LRRC7: variants seen among roughly 807,000 people sequenced by gnomAD.
LRRC7 encodes the protein leucine-rich repeat-containing protein 7.
In LRRC7, 23 loss-of-function variants were observed where a neutral mutation model predicts 175.7. The ratio of observed to expected loss-of-function variants is 0.13; its 90% confidence interval spans 0.09 to 0.19. The LOEUF is 0.19. Among genes scored for constraint, LRRC7 ranks in the 10% least tolerant of loss-of-function variants. The pLI is 1.00. For missense variants in LRRC7, 1,354 were observed against 1,904.7 expected (o/e 0.71, Z 5.38); for synonymous variants, 685 against 680.9 (o/e 1.01, Z -0.09).
intron 4 of LRRC7, 113 bp downstream of exon 4, chr1:69,792,273 CT>C: frequency 1.5e-6 from 1 of 675,400 alleles, no homozygotes. Context: ...TTTGTTGCAA[CT>C]GTAGTTTAAT....
chr1:69,718,128 A>AAGAGAGAG (rs1347214418), intron 2 of LRRC7, among the ~76,000 whole-genome samples: 5,724 of 66,638 alleles, frequency 0.086, 228 homozygotes, highest in East Asian at 0.12. Context: ...AAAGAAAGAA[A>AAGAGAGAG]AGAAAGAAAG....
At chr1:69,960,371 CT>C (rs1169808516) in intron 8 of LRRC7, among the ~76,000 whole-genome samples, 1 of 151,948 alleles carries the variant, frequency 6.6e-6, no homozygotes, top group Non-Finnish European at 1.5e-5. Flanking sequence ...ATTCTTTGCT[CT>C]TTTCTTCTTT....
intron 26 of LRRC7, among the ~76,000 whole-genome samples, chr1:70,115,101 A>G (rs1030610187): frequency 6.6e-6 from 1 of 152,226 alleles, no homozygotes; most frequent in African/African-American, 2.4e-5. Context: ...TGAAATGGGA[A>G]TACATATGCC....
At chr1:69,852,333 G>A (rs959643416) in intron 7 of LRRC7, among the ~76,000 whole-genome samples, 4 of 152,110 alleles carry the variant, frequency 2.6e-5, no homozygotes, top group Non-Finnish European at 4.4e-5. Flanking sequence ...AGTATGGAAG[G>A]AAGTGCTTTA....
chr1:69,597,970 G>A (rs966070), intron 1 of LRRC7, among the ~76,000 whole-genome samples: 23,020 of 152,046 alleles, frequency 0.15, 1,918 homozygotes, highest in Admixed American at 0.19. Flanking sequence ...CAAAATAATC[G>A]CTAGAGAATA....
At chr1:70,095,785 G>C (rs1427487646) in intron 25 of LRRC7, among the ~76,000 whole-genome samples, 1 of 152,106 alleles carries the variant, frequency 6.6e-6, no homozygotes, top group African/African-American at 2.4e-5. Flanking sequence ...ATGCATATAT[G>C]TGTACTTTGG....
At chr1:70,047,128 AG>A (rs1660391297) in intron 22 of LRRC7, among the ~76,000 whole-genome samples, 1 of 152,162 alleles carries the variant, frequency 6.6e-6, no homozygotes, top group African/African-American at 2.4e-5. Flanking sequence ...ACTAAAATAT[AG>A]GGTAAGACCA....
chr1:69,613,514 T>TA (rs1390931120), intron 1 of LRRC7, among the ~76,000 whole-genome samples: 1 of 152,042 alleles, frequency 6.6e-6, no homozygotes, highest in African/African-American at 2.4e-5. Context: ...TCTCAAATGA[T>TA]ACCGCTGAAT....
intron 7 of LRRC7, among the ~76,000 whole-genome samples, chr1:69,885,012 G>A (rs998465763): frequency 1.4e-4 from 21 of 145,498 alleles, no homozygotes; most frequent in Admixed American, 7.7e-4. Flanking sequence ...GCTGGATTCG[G>A]TTTGCCAGTA....
At chr1:69,593,372 A>G (rs924248770) in intron 1 of LRRC7, among the ~76,000 whole-genome samples, 1 of 152,022 alleles carries the variant, frequency 6.6e-6, no homozygotes, top group African/African-American at 2.4e-5. Context: ...TATTTTTTTT[A>G]TTGTTTTTAT....
At chr1:69,945,137 G>A (rs1266590579) in intron 8 of LRRC7, among the ~76,000 whole-genome samples, 2 of 152,038 alleles carry the variant, frequency 1.3e-5, no homozygotes, top group African/African-American at 4.8e-5. Context: ...TACAGTTTCG[G>A]GACGTACATT....
rs374705442 is a variant in LRRC7, at chr1:70,038,844, C to T, written c.3020C>T (p.Ala1007Val). Residue 1007 changes from alanine to valine, a missense_variant, in exon 21 of 27, where the codon GCT becomes GTT. Coordinates refer to ENST00000651989, the MANE Select transcript of LRRC7 (RefSeq NM_001370785.2). ...TATAACATACCATTAGAAAACTATG[C>T]TTCTGGGAGTGATCACTTAGGAAGC... ...KVYNIPLENYASGSDHLGSHE... is the reference protein window; with the variant it reads ...KVYNIPLENYVSGSDHLGSHE... The T allele has an allele frequency of 6.2e-7, 1 of 1,613,846 alleles. No homozygotes were observed. Among genetic ancestry groups the T allele is most frequent in the Admixed American group, 1.7e-5 (1 of 59,984 alleles).
intron 2 of LRRC7, among the ~76,000 whole-genome samples, chr1:69,715,360 A>G (rs1210144551): frequency 6.6e-6 from 1 of 152,170 alleles, no homozygotes; most frequent in Non-Finnish European, 1.5e-5. Context: ...AAGGCTCTAT[A>G]TTGAGTATTC....
At chr1:69,915,157 A>C (rs1646648558) in intron 7 of LRRC7, among the ~76,000 whole-genome samples, 1 of 152,158 alleles carries the variant, frequency 6.6e-6, no homozygotes, top group Non-Finnish European at 1.5e-5. Flanking sequence ...ATAAGGCCAA[A>C]TGGCAAAACC....
At chr1:69,912,552 C>T (rs1646563446) in intron 7 of LRRC7, among the ~76,000 whole-genome samples, 1 of 152,148 alleles carries the variant, frequency 6.6e-6, no homozygotes, top group South Asian at 2.1e-4. Context: ...AGTAGCCCCC[C>T]ACCCTCAGAA....
intron 2 of LRRC7, among the ~76,000 whole-genome samples, chr1:69,706,530 T>C (rs1444848124): frequency 6.6e-6 from 1 of 152,220 alleles, no homozygotes; most frequent in Non-Finnish European, 1.5e-5. Flanking sequence ...GCAAGTCATT[T>C]TCACACATGG....
chr1:69,935,591 T>G (rs987948808), intron 8 of LRRC7, among the ~76,000 whole-genome samples: 1 of 152,200 alleles, frequency 6.6e-6, no homozygotes, highest in Non-Finnish European at 1.5e-5. Context: ...TGATGATTTT[T>G]TCATATGTTT....
At chr1:69,753,775 A>G (rs61783996) in intron 2 of LRRC7, among the ~76,000 whole-genome samples, 26,221 of 152,020 alleles carry the variant, frequency 0.17, 2,610 homozygotes, top group Non-Finnish European at 0.23. Context: ...AAAACTTTCA[A>G]TCTAGTAAAG....
At chr1:69,882,218 A>G (rs1686690680) in intron 7 of LRRC7, among the ~76,000 whole-genome samples, 1 of 152,174 alleles carries the variant, frequency 6.6e-6, no homozygotes, top group Non-Finnish European at 1.5e-5. Context: ...CAAGAAGACT[A>G]GAGATAACTA....
Sources: gnomAD v4.1 joint callset for allele counts (sites outside exome capture counted in the v4.1 genomes callset) on GRCh38, gnomAD v4.1.1 for gene constraint, MANE v1.5 for transcripts, NCBI Gene and HGNC (gene_info 2026-07-23, HGNC 2026-07-21) for gene names.